ACBD5: variants seen among roughly 807,000 people sequenced by gnomAD.
The protein encoded by ACBD5 is acyl-CoA-binding domain-containing protein 5.
A neutral mutation model predicts 71.8 loss-of-function variants in ACBD5; 40 were observed. That is an observed-to-expected ratio of 0.56 (90% CI 0.43 to 0.72). The LOEUF (loss-of-function observed/expected upper bound fraction) is 0.72, where lower values mean the gene tolerates loss of function less well. Among genes scored for constraint, ACBD5 ranks in the 30% least tolerant of loss-of-function variants. The pLI is 0.00. For missense variants in ACBD5, 559 were observed against 644.5 expected (o/e 0.87, Z 1.44); for synonymous variants, 229 against 218.6 (o/e 1.05, Z -0.42).
downstream of ACBD5, among the ~76,000 whole-genome samples, chr10:27,190,921 G>A (rs1017689359): frequency 2.0e-5 from 3 of 152,176 alleles, no homozygotes; most frequent in African/African-American, 7.2e-5. Flanking sequence ...GTGGATTGTG[G>A]TGCTGCACCC....
At chr10:27,205,760 C>A (rs751583694) in intron 10 of ACBD5, among the ~76,000 whole-genome samples, 1 of 151,716 alleles carries the variant, frequency 6.6e-6, no homozygotes, top group Admixed American at 6.6e-5. Flanking sequence ...GAACTCCCGA[C>A]CTCAGGTGAT....
chr10:27,205,227 A>T lies in ACBD5; in HGVS notation c.1426T>A (p.Leu476Met), dbSNP rs138723362. The change falls in exon 11 of 13, where the codon TTG becomes ATG. Residue 476 changes from leucine (L) to methionine (M), a missense_variant. Transcript: ENST00000396271. ...ALQAKSSTST[L>M]QTAPQPTSQR... Reference sequence around the variant, plus strand: ...GAGGTGGGCTGAGGAGCAGTCTGCAATGTTGATGTTGATGATTTTGCCTGT... The same window carrying T: ...GAGGTGGGCTGAGGAGCAGTCTGCATTGTTGATGTTGATGATTTTGCCTGT... 2.3e-5 allele frequency: 37 copies of T among 1,613,192 alleles called. No individual in the cohort carries two copies. Among genetic ancestry groups the T allele is most frequent in the Non-Finnish European group, 3.0e-5 (35 of 1,179,718 alleles).
chr10:27,211,224 CTTCAA>C, intron 8 of ACBD5, 143 bp from the exon 9 acceptor site: 1 of 891,632 alleles, frequency 1.1e-6, no homozygotes. Flanking sequence ...TAAAAAATGT[CTTCAA>C]TTCATATGCT....
intron 13 of ACBD5, among the ~76,000 whole-genome samples, chr10:27,190,167 C>T (rs112639769): frequency 0.044 from 6,710 of 152,114 alleles, 170 homozygotes; most frequent in African/African-American, 0.067. Flanking sequence ...CGCCAGTAAT[C>T]CCAGCTGCTC....
chr10:27,211,293 G>A (rs2061050882), intron 8 of ACBD5, among the ~76,000 whole-genome samples: 1 of 152,094 alleles, frequency 6.6e-6, no homozygotes, highest in Admixed American at 6.6e-5. Context: ...CATGAACAGA[G>A]TCAAGAAGCT....
chr10:27,227,365 T>C (rs554544436), intron 4 of ACBD5, among the ~76,000 whole-genome samples: 1 of 151,894 alleles, frequency 6.6e-6, no homozygotes, highest in East Asian at 1.9e-4. Context: ...GAAGACTAAA[T>C]TCCTCAGGCT....
chr10:27,201,015 T>A (rs943980788), intron 12 of ACBD5, among the ~76,000 whole-genome samples: 3 of 151,780 alleles, frequency 2.0e-5, no homozygotes, highest in African/African-American at 7.3e-5. Context: ...TCAACAAAAA[T>A]AAGACAGTTA....
At chr10:27,225,137 G>A (rs1589259843) in intron 4 of ACBD5, among the ~76,000 whole-genome samples, 2 of 148,542 alleles carry the variant, frequency 1.3e-5, no homozygotes, top group East Asian at 4.0e-4. Flanking sequence ...GTAGTGCAGC[G>A]GCACGATCTC....
chr10:27,225,337 A>G (rs938958162), intron 4 of ACBD5, among the ~76,000 whole-genome samples: 4 of 152,274 alleles, frequency 2.6e-5, no homozygotes, highest in East Asian at 3.9e-4. Context: ...ACCAAATACA[A>G]GATGGATCAT....
chr10:27,193,019 G>A (rs2136375695), downstream of ACBD5, among the ~76,000 whole-genome samples: 1 of 151,316 alleles, frequency 6.6e-6, no homozygotes, highest in East Asian at 1.9e-4. Flanking sequence ...ATTGAAACAA[G>A]TGAGGAAATT....
downstream of ACBD5, among the ~76,000 whole-genome samples, chr10:27,191,409 A>G (rs1482022076): frequency 2.6e-5 from 4 of 152,316 alleles, no homozygotes; most frequent in Non-Finnish European, 5.9e-5. Flanking sequence ...CATAGGATGT[A>G]CACTAAGAGT....
At chr10:27,228,815 AT>A (rs1167438554) in intron 4 of ACBD5, among the ~76,000 whole-genome samples, 82 of 20,296 alleles carry the variant, frequency 4.0e-3, no homozygotes, top group African/African-American at 8.0e-3. Flanking sequence ...ATATATATAT[AT>A]TTTTTTTTTT....
At chr10:27,233,543 C>G (rs1780093) in intron 3 of ACBD5, among the ~76,000 whole-genome samples, 117,849 of 151,860 alleles carry the variant, frequency 0.78, 45,964 homozygotes, top group African/African-American at 0.86. Context: ...CACATGCAAA[C>G]CCCGTCTAGG....
At chr10:27,186,280 A>T (rs957077803) in intron 13 of ACBD5, 2 of 1,187,490 alleles carry the variant, frequency 1.7e-6, no homozygotes, top group African/African-American at 3.0e-5. Flanking sequence ...AAAGTAAGGT[A>T]AGTTATATGT....
At chr10:27,226,879 C>T (rs2137844153) in intron 4 of ACBD5, among the ~76,000 whole-genome samples, 1 of 151,986 alleles carries the variant, frequency 6.6e-6, no homozygotes, top group South Asian at 2.1e-4. Context: ...GTGTGGAACT[C>T]CTGACCTCAA....
chr10:27,201,061 G>A (rs1464458194), intron 12 of ACBD5, among the ~76,000 whole-genome samples: 1 of 152,178 alleles, frequency 6.6e-6, no homozygotes, highest in African/African-American at 2.4e-5. Context: ...TTCTCAGGAG[G>A]CTGAGGCAGC....
chr10:27,200,555 CT>C (rs2059816282), intron 12 of ACBD5, among the ~76,000 whole-genome samples: 1 of 152,054 alleles, frequency 6.6e-6, no homozygotes, highest in Admixed American at 6.6e-5. Context: ...AGCAATTCCC[CT>C]GCCTCAACCT....
downstream of ACBD5, among the ~76,000 whole-genome samples, chr10:27,190,241 C>T (rs145264181): frequency 3.7e-4 from 57 of 152,194 alleles, no homozygotes; most frequent in Middle Eastern, 3.4e-3. Flanking sequence ...GCCAAAATGG[C>T]GCCATTGCAC....
chr10:27,233,349 C>A (rs1780091), intron 3 of ACBD5, among the ~76,000 whole-genome samples: 2 of 150,704 alleles, frequency 1.3e-5, no homozygotes, highest in East Asian at 3.9e-4. Flanking sequence ...ATTGCTTGAA[C>A]TTGGGAGGCG....
Sources: gnomAD v4.1 joint callset for allele counts (sites outside exome capture counted in the v4.1 genomes callset) on GRCh38, gnomAD v4.1.1 for gene constraint, MANE v1.5 for transcripts, NCBI Gene and HGNC (gene_info 2026-07-23, HGNC 2026-07-21) for gene names.